FBXL17: variants seen among roughly 807,000 people sequenced by gnomAD.
The protein encoded by FBXL17 is F-box/LRR-repeat protein 17.
In FBXL17, 22 loss-of-function variants were observed where a neutral mutation model predicts 66.2. That is an observed-to-expected ratio of 0.33 (90% CI 0.24 to 0.47). The LOEUF (loss-of-function observed/expected upper bound fraction) is 0.47, where lower values mean the gene tolerates loss of function less well. FBXL17 is among the 20% of genes least tolerant of loss of function. The pLI, the probability that FBXL17 is intolerant of heterozygous loss-of-function variation, is 1.00. For synonymous variants in FBXL17, 474 were observed against 400.5 expected (o/e 1.18, Z -2.19); for missense variants, 878 against 948.2 (o/e 0.93, Z 0.97).
chr5:107,881,804 C>T (rs1748803073), intron 7 of FBXL17, among the ~76,000 whole-genome samples: 1 of 152,158 alleles, frequency 6.6e-6, no homozygotes, highest in Admixed American at 6.5e-5. Flanking sequence ...ATTTCCTCAT[C>T]CTATCAGAAG....
chr5:108,166,720 C>A (rs1752430252), intron 6 of FBXL17, among the ~76,000 whole-genome samples: 1 of 152,168 alleles, frequency 6.6e-6, no homozygotes, highest in African/African-American at 2.4e-5. Flanking sequence ...TTTGACACTA[C>A]TTCCAATCAG....
intron 6 of FBXL17, among the ~76,000 whole-genome samples, chr5:108,126,631 G>GTCTCTCTCTCTCTCTC (rs140769664): frequency 1.9e-3 from 209 of 112,410 alleles, no homozygotes; most frequent in African/African-American, 3.2e-3. Flanking sequence ...CTGTCTCTCT[G>GTCTCTCTCTCTCTCTC]TCTCTCTCTC....
At chr5:108,025,686 C>CAG (rs973133080) in intron 6 of FBXL17, among the ~76,000 whole-genome samples, 2 of 138,340 alleles carry the variant, frequency 1.4e-5, no homozygotes, top group African/African-American at 6.3e-5. Context: ...CACATACACA[C>CAG]ACACACACAC....
rs566129976 is a variant in FBXL17 at position 108,040,722 on chromosome 5, CAGTA to C, written c.1746-19725_1746-19722del. On this transcript the variant is annotated intron_variant, in intron 6 of 8. Transcript: ENST00000542267. ...TTTAATATCTTTATCCTTTTCAAAA[CAGTA>C]AGTTAATTGCCAAATGATATGCAGG... Among the ~76,000 whole-genome samples the C allele has an allele frequency of 1.0e-3, 157 of 152,170 alleles. 1 individual carries two copies. Among genetic ancestry groups the C allele is most frequent in the Admixed American group, 5.0e-3 (76 of 15,290 alleles).
intron 6 of FBXL17, among the ~76,000 whole-genome samples, chr5:108,027,103 G>T (rs556850521): frequency 8.5e-5 from 13 of 152,148 alleles, no homozygotes; most frequent in African/African-American, 3.1e-4. Flanking sequence ...ATATATTTAG[G>T]AATGGCCATC....
intron 4 of FBXL17, among the ~76,000 whole-genome samples, chr5:108,232,639 G>A (rs914573951): frequency 2.6e-5 from 4 of 151,006 alleles, no homozygotes; most frequent in African/African-American, 9.7e-5. Flanking sequence ...TCTTTCTCCC[G>A]TGCTGGATGC....
chr5:108,140,745 A>G (rs1160174461), intron 6 of FBXL17, among the ~76,000 whole-genome samples: 1 of 151,916 alleles, frequency 6.6e-6, no homozygotes, highest in Non-Finnish European at 1.5e-5. Flanking sequence ...GTAGATATAA[A>G]CTCAAGGATA....
At chr5:108,338,603 C>G (rs1306436460) in intron 4 of FBXL17, among the ~76,000 whole-genome samples, 2 of 151,914 alleles carry the variant, frequency 1.3e-5, no homozygotes, top group African/African-American at 2.4e-5. Flanking sequence ...AAATACTATA[C>G]TGATATAGTC....
At chr5:108,270,377 T>C (rs62359542) in intron 4 of FBXL17, among the ~76,000 whole-genome samples, 2,277 of 151,510 alleles carry the variant, frequency 0.015, 28 homozygotes, top group South Asian at 0.03. Flanking sequence ...CATATATTTA[T>C]GATGCAGTTA....
chr5:108,168,805 G>A (rs1752503648), intron 6 of FBXL17, among the ~76,000 whole-genome samples: 1 of 152,178 alleles, frequency 6.6e-6, no homozygotes, highest in Admixed American at 6.5e-5. Flanking sequence ...ACTGCAACAT[G>A]TACATAGAGA....
intron 6 of FBXL17, among the ~76,000 whole-genome samples, chr5:108,051,054 G>A (rs1747453692): frequency 2.0e-5 from 3 of 152,170 alleles, no homozygotes; most frequent in African/African-American, 4.8e-5. Context: ...CTGAATCCCT[G>A]AATAGACCAA....
chr5:108,262,771 C>T (rs1756891498), intron 4 of FBXL17, among the ~76,000 whole-genome samples: 1 of 152,078 alleles, frequency 6.6e-6, no homozygotes, highest in Non-Finnish European at 1.5e-5. Flanking sequence ...AAATCCAATA[C>T]TTTATTAAAA....
chr5:108,071,537 A>G (rs1029230357), intron 6 of FBXL17, among the ~76,000 whole-genome samples: 5 of 151,776 alleles, frequency 3.3e-5, no homozygotes, highest in South Asian at 2.1e-4. Context: ...TTCCATGTCA[A>G]TTCCCTCCCC....
chr5:108,010,835 C>T (rs1231504628), intron 7 of FBXL17, among the ~76,000 whole-genome samples: 1 of 152,102 alleles, frequency 6.6e-6, no homozygotes, highest in Non-Finnish European at 1.5e-5. Flanking sequence ...CACTGATCAC[C>T]TTTATGGGAT....
At chr5:108,047,882 C>T (rs1252620650) in intron 6 of FBXL17, among the ~76,000 whole-genome samples, 1 of 152,176 alleles carries the variant, frequency 6.6e-6, no homozygotes, top group Non-Finnish European at 1.5e-5. Flanking sequence ...CTGAGGAATC[C>T]AAGCAGCCCA....
intron 4 of FBXL17, among the ~76,000 whole-genome samples, chr5:108,297,475 C>G (rs552690094): frequency 1.3e-5 from 2 of 151,596 alleles, no homozygotes; most frequent in African/African-American, 2.4e-5. Flanking sequence ...ATCCCAAAAG[C>G]ATTACCAGTA....
At chr5:107,869,937 G>A (rs1748392741) in intron 8 of FBXL17, among the ~76,000 whole-genome samples, 2 of 152,176 alleles carry the variant, frequency 1.3e-5, no homozygotes, top group Admixed American at 1.3e-4. Flanking sequence ...ACTGACATGG[G>A]ATGAATTAAA....
intron 7 of FBXL17, among the ~76,000 whole-genome samples, chr5:107,999,208 A>C (rs1753609829): frequency 1.3e-5 from 2 of 152,146 alleles, no homozygotes; most frequent in South Asian, 4.1e-4. Flanking sequence ...TAGGATGAAA[A>C]TAAGAATAAT....
chr5:107,996,006 T>C (rs868281788), intron 7 of FBXL17, among the ~76,000 whole-genome samples: 2 of 152,062 alleles, frequency 1.3e-5, no homozygotes, highest in African/African-American at 4.8e-5. Context: ...TTCTTAAAGC[T>C]ACAGCTATAT....
Sources: gnomAD v4.1 joint callset for allele counts (sites outside exome capture counted in the v4.1 genomes callset) on GRCh38, gnomAD v4.1.1 for gene constraint, MANE v1.5 for transcripts, NCBI Gene and HGNC (gene_info 2026-07-23, HGNC 2026-07-21) for gene names.